Variants in THEM5 observed in about 807,000 individuals in gnomAD.
The protein encoded by THEM5 is thioesterase superfamily member 5.
THEM5 carries 28 observed loss-of-function variants against 24.2 expected under a neutral mutation model. The ratio of observed to expected loss-of-function variants is 1.16; its 90% CI spans 0.86 to 1.59. The LOEUF (loss-of-function observed/expected upper bound fraction) is 1.59, where lower values mean the gene tolerates loss of function less well. Ranked by LOEUF, THEM5 falls within the 40% of genes most tolerant of loss-of-function variation. The pLI is 0.00. For synonymous variants in THEM5, 87 were observed against 114.5 expected (o/e 0.76, Z 1.53); for missense variants, 260 against 296.8 (o/e 0.88, Z 0.91).
chr1:151,851,737 G>A (rs943905797), intron 2 of THEM5, among the ~76,000 whole-genome samples: 2 of 152,126 alleles, frequency 1.3e-5, no homozygotes, highest in African/African-American at 4.8e-5. Context: ...ATGAGTGAGA[G>A]AGACAGGGAG....
intron 3 of THEM5, 66 bp from the exon 4 acceptor site, chr1:151,848,358 G>T: frequency 8.0e-7 from 1 of 1,246,344 alleles, no homozygotes. Flanking sequence ...CCCTCAATGG[G>T]CCTTCCCTCC....
In THEM5 at chr1:151,852,369, C is replaced by A. The variant is rs1244127502; in HGVS notation, c.214G>T (p.Glu72Ter). 1 of 1,614,142 alleles carries A rather than the reference C, an allele frequency of 6.2e-7. No individual in the cohort carries two copies. Among genetic ancestry groups the A allele is most frequent in the Non-Finnish European group, 8.5e-7 (1 of 1,180,030 alleles). Reference protein sequence around the residue: ...WCSDMLSLYQEFLEKTKSSGW... With the variant: ...WCSDMLSLYQ ...CTAGACTTAGTCTTCTCCAGAAATT[C>A]TTGGTACAGGCTCAGCATGTCCGAA... Residue 72 changes from glutamate to a stop codon, truncating the protein, a stop_gained, in exon 2 of 6, where the codon GAA (glutamate) becomes TAA (stop). Transcript: ENST00000368817. LOFTEE classifies it high-confidence loss of function.
At chr1:151,849,718 G>A (rs1018988427) in intron 3 of THEM5, among the ~76,000 whole-genome samples, 1 of 152,150 alleles carries the variant, frequency 6.6e-6, no homozygotes, top group African/African-American at 2.4e-5. Flanking sequence ...CAAAGAACTC[G>A]AAACCAACTC....
chr1:151,849,205 C>G (rs1653038293), intron 3 of THEM5, among the ~76,000 whole-genome samples: 1 of 146,520 alleles, frequency 6.8e-6, no homozygotes, highest in African/African-American at 2.5e-5. Context: ...GGCAACAGAT[C>G]AAGACTGTCT....
At chr1:151,852,590 GGA>G in intron 1 of THEM5, 131 bp from the exon 2 acceptor site, 1 of 845,500 alleles carries the variant, frequency 1.2e-6, no homozygotes, top group Non-Finnish European at 1.9e-6. Context: ...TCGATCCAAG[GGA>G]AAGGGCCCAT....
intron 3 of THEM5, among the ~76,000 whole-genome samples, chr1:151,849,785 A>G (rs991311764): frequency 3.3e-5 from 5 of 152,156 alleles, no homozygotes; most frequent in African/African-American, 1.2e-4. Context: ...ATGTGGATCT[A>G]CAGAGTAGCT....
intron 5 of THEM5, 30 bp downstream of exon 5, chr1:151,847,708 G>T (rs1458162996): frequency 1.2e-6 from 2 of 1,611,542 alleles, no homozygotes; most frequent in Non-Finnish European, 1.7e-6. Context: ...GGTGGGACGG[G>T]GCCTGGGGCT....
intron 3 of THEM5, among the ~76,000 whole-genome samples, chr1:151,850,645 ATAT>A (rs1653081073): frequency 1.3e-5 from 2 of 152,142 alleles, no homozygotes; most frequent in Admixed American, 6.5e-5. Context: ...TGGCAGGTAG[ATAT>A]TATTGCCCCA....
rs1432835095 is a variant in THEM5, at chr1:151,853,500, G to A, written c.66C>T (p.Pro22=). The A allele has an allele frequency of 6.2e-7, 1 of 1,613,888 alleles. No individual in the cohort carries two copies. The change falls in exon 1 of 6, where the codon CCC becomes CCT. Residue 22 remains proline (P), a synonymous_variant. Coordinates refer to ENST00000368817, the MANE Select transcript of THEM5 (RefSeq NM_182578.4). ...LGHHRGLLEA[P]RILPRLNPAS... The stretch of plus-strand genomic sequence containing the variant: ...CAGGGTTGAGTCTGGGCAGGATACG[G>A]GGGGCCTCAAGAAGGCCTCTGTGGT...
intron 3 of THEM5, 145 bp downstream of exon 3, chr1:151,850,908 A>G: frequency 1.0e-6 from 1 of 1,004,804 alleles, no homozygotes; most frequent in South Asian, 1.7e-5. Context: ...CAGGCCTGGT[A>G]TTGTGAGGCT....
At position 151,852,366 on chromosome 1, in the gene THEM5, A is replaced by G. The variant is rs1400261611; in HGVS notation, c.217T>C (p.Phe73Leu). 1 of 1,614,012 alleles carries G rather than the reference A, an allele frequency of 6.2e-7. No homozygotes were observed. Among genetic ancestry groups the G allele is most frequent in the Non-Finnish European group, 8.5e-7 (1 of 1,180,034 alleles). Residue 73 changes from phenylalanine (F) to leucine (L), a missense_variant, in exon 2 of 6, where the codon TTT (phenylalanine) becomes CTT (leucine). By Grantham distance (22) the Phe-to-Leu change is conservative. Coordinates refer to ENST00000368817, the MANE Select transcript of THEM5 (RefSeq NM_182578.4). Reference protein sequence around the residue: ...CSDMLSLYQEFLEKTKSSGWI... With the variant: ...CSDMLSLYQELLEKTKSSGWI... ...CCGCTAGACTTAGTCTTCTCCAGAA[A>G]TTCTTGGTACAGGCTCAGCATGTCC...
intron 4 of THEM5, 93 bp from the exon 5 acceptor site, chr1:151,847,955 C>T (rs1248236055): frequency 1.2e-5 from 19 of 1,574,350 alleles, no homozygotes; most frequent in Admixed American, 3.5e-5. Flanking sequence ...TCATCCCTCC[C>T]GGCCTCGAGG....
intron 3 of THEM5, among the ~76,000 whole-genome samples, chr1:151,848,558 A>G (rs533443998): frequency 6.6e-6 from 1 of 152,380 alleles, no homozygotes; most frequent in Non-Finnish European, 1.5e-5. Flanking sequence ...TTATTTCATC[A>G]GGGAAATTGT....
rs373180710 is a variant in THEM5 at position 151,852,250 on chromosome 1, G to A, written c.325+8C>T. The A allele has an allele frequency of 5.5e-5, 88 of 1,612,788 alleles. No individual in the cohort carries two copies. The African/African-American group carries it at 1.1e-3, about 21-fold the overall frequency. ...CTGGGGTGTGTGTACTCATGGTCCT[G>A]TCCTTACCTGAGGAAACTGCCAGTC... is the stretch of plus-strand genomic sequence containing the variant. On this transcript the variant is annotated splice_region_variant and intron_variant, in intron 2 of 5. Transcript: ENST00000368817.
chr1:151,852,554 G>C (rs545581920), intron 1 of THEM5, 95 bp from the exon 2 acceptor site: 4 of 1,179,760 alleles, frequency 3.4e-6, no homozygotes, highest in Non-Finnish European at 5.0e-6. Flanking sequence ...GGGTGCTGGG[G>C]CTTCTCAATC....
intron 4 of THEM5, 27 bp from the exon 5 acceptor site, chr1:151,847,889 C>T (rs1652988423): frequency 1.2e-6 from 2 of 1,613,266 alleles, no homozygotes; most frequent in African/African-American, 1.3e-5. Flanking sequence ...CTTAGCCCAT[C>T]TCTCATGTGA....
In THEM5 at chr1:151,852,248, C is replaced by T; in HGVS notation, c.325+10G>A. On this transcript the variant is annotated intron_variant, in intron 2 of 5. Transcript: ENST00000368817. ...GGCTGGGGTGTGTGTACTCATGGTC[C>T]TGTCCTTACCTGAGGAAACTGCCAG... 3 of 1,612,656 alleles carry T rather than the reference C, an allele frequency of 1.9e-6. No homozygotes were observed. The highest frequency in any genetic ancestry group is 1.7e-6 in the Non-Finnish European group (2 of 1,179,856).
At chr1:151,848,126 T>C (rs1369667256) in intron 4 of THEM5, 56 bp downstream of exon 4, 3 of 1,577,586 alleles carry the variant, frequency 1.9e-6, no homozygotes, top group Non-Finnish European at 2.6e-6. Flanking sequence ...GGATGGCCAC[T>C]TCCAGGGATG....
At chr1:151,853,384 C>T in intron 1 of THEM5, 59 bp downstream of exon 1, 2 of 1,558,768 alleles carry the variant, frequency 1.3e-6, no homozygotes, top group East Asian at 2.3e-5. Context: ...ATTTGGGGTG[C>T]TCCTTAAGCC....
Sources: allele counts gnomAD v4.1 joint callset (sites outside exome capture counted in the v4.1 genomes callset), GRCh38; gene constraint gnomAD v4.1.1; transcripts MANE v1.5; gene names NCBI Gene and HGNC (gene_info 2026-07-23, HGNC 2026-07-21).